Variants in CCSER1 observed in about 807,000 individuals in gnomAD.
CCSER1 encodes serine-rich coiled-coil domain-containing protein 1.
Under a neutral mutation model 82.0 loss-of-function variants are expected in CCSER1, and 41 were observed. That is an observed-to-expected ratio of 0.50 (90% CI 0.39 to 0.65). The LOEUF (loss-of-function observed/expected upper bound fraction) is 0.65. Ranked by LOEUF, CCSER1 falls within the 30% of genes least tolerant of loss-of-function variation. CCSER1 has a pLI of 0.00. For synonymous variants in CCSER1, 414 were observed against 383.9 expected (o/e 1.08, Z -0.92); for missense variants, 1,119 against 1,064.2 (o/e 1.05, Z -0.72).
At chr4:91,033,059 C>A (rs1466443522) in intron 9 of CCSER1, among the ~76,000 whole-genome samples, 20 of 148,982 alleles carry the variant, frequency 1.3e-4, no homozygotes, top group Non-Finnish European at 7.5e-5. Flanking sequence ...TACAAATAAA[C>A]AAAAAAAAAA....
rs150710432 is a variant in CCSER1 at position 91,247,590 on chromosome 4, C to T, written c.2217+161596C>T. The stretch of plus-strand genomic sequence containing the variant: ...ATTCTCCAATGAAAGGAACCAGGGC[C>T]GGGCATGGTGGCTCATGCCTGTAAT... On this transcript the variant is annotated intron_variant, in intron 10 of 10. Coordinates refer to ENST00000509176, the MANE Select transcript of CCSER1 (RefSeq NM_001145065.2). Among the ~76,000 whole-genome samples, 1,420 of 152,224 alleles carry T rather than the reference C, an allele frequency of 9.3e-3. 24 individuals carry two copies. Among genetic ancestry groups the T allele is most frequent in the African/African-American group, 0.031 (1,304 of 41,530 alleles).
intron 1 of CCSER1, among the ~76,000 whole-genome samples, chr4:90,210,254 A>G (rs1038149257): frequency 6.6e-6 from 1 of 152,172 alleles, no homozygotes; most frequent in Non-Finnish European, 1.5e-5. Flanking sequence ...ACACTGTTTA[A>G]AAGAATCAAT....
chr4:90,187,410 G>T (rs901304632), intron 1 of CCSER1, among the ~76,000 whole-genome samples: 1 of 147,560 alleles, frequency 6.8e-6, no homozygotes, highest in Non-Finnish European at 1.5e-5. Context: ...GTGGTAGATG[G>T]TAATTACCTC....
At chr4:90,723,387 A>C (rs536092114) in intron 6 of CCSER1, among the ~76,000 whole-genome samples, 5 of 151,936 alleles carry the variant, frequency 3.3e-5, no homozygotes, top group Non-Finnish European at 7.4e-5. Context: ...GAAAGGTAAA[A>C]TGTCAGGGGC....
chr4:90,152,933 G>T (rs1727163426), intron 1 of CCSER1, among the ~76,000 whole-genome samples: 1 of 148,986 alleles, frequency 6.7e-6, no homozygotes, highest in Admixed American at 6.7e-5. Context: ...TGTGCACAAT[G>T]TGCAGGTTAG....
chr4:91,217,396 A>T (rs1316858798), intron 10 of CCSER1, among the ~76,000 whole-genome samples: 1 of 152,180 alleles, frequency 6.6e-6, no homozygotes, highest in Non-Finnish European at 1.5e-5. Context: ...TCCCCATCAG[A>T]TTAGTTAGAT....
intron 10 of CCSER1, among the ~76,000 whole-genome samples, chr4:91,326,165 C>A (rs1326054012): frequency 6.6e-6 from 1 of 152,064 alleles, no homozygotes; most frequent in Non-Finnish European, 1.5e-5. Context: ...ATGAGCTCTT[C>A]TTTTTATAAC....
At chr4:90,130,523 A>G (rs1722638916) in intron 1 of CCSER1, among the ~76,000 whole-genome samples, 1 of 152,198 alleles carries the variant, frequency 6.6e-6, no homozygotes, top group Non-Finnish European at 1.5e-5. Flanking sequence ...CATATAAGGG[A>G]AGATAAGTTT....
intron 10 of CCSER1, among the ~76,000 whole-genome samples, chr4:91,292,216 C>T (rs1336122971): frequency 1.3e-5 from 2 of 151,934 alleles, no homozygotes; most frequent in Admixed American, 6.6e-5. Flanking sequence ...AGCTAGAGAA[C>T]TGGGTATTTG....
chr4:91,357,194 T>C (rs1748894285), intron 10 of CCSER1, among the ~76,000 whole-genome samples: 1 of 152,220 alleles, frequency 6.6e-6, no homozygotes, highest in Non-Finnish European at 1.5e-5. Flanking sequence ...TAAACACCAT[T>C]TTATATTTAA....
Position 90,505,795 on chromosome 4 carries a change from C to CT in CCSER1, c.1724+37448dup, listed in dbSNP as rs1770599102. 2.0e-5 allele frequency among the ~76,000 whole-genome samples: 3 copies of CT among 152,130 alleles called. No homozygotes were observed. The South Asian group carries it at 6.2e-4, about 32-fold the overall frequency. ...GAGCAGTGAGGACAACCAGAGGTTG[C>CT]TTTTTTTGCCATCTTGGTTTTGGCA... On this transcript the variant is annotated intron_variant, in intron 5 of 10. Transcript: ENST00000509176.
chr4:91,424,781 G>A (rs1459850546), intron 10 of CCSER1, among the ~76,000 whole-genome samples: 1 of 152,056 alleles, frequency 6.6e-6, no homozygotes. Context: ...TTTTACAGAA[G>A]TAAATGTAAT....
chr4:91,556,455 GCAGCACACCC>G (rs1762408170), intron 10 of CCSER1, among the ~76,000 whole-genome samples: 1 of 150,890 alleles, frequency 6.6e-6, no homozygotes, highest in Non-Finnish European at 1.5e-5. Context: ...GTTAATGGGT[GCAGCACACCC>G]ACATGGCACA....
intron 3 of CCSER1, among the ~76,000 whole-genome samples, chr4:90,325,159 G>A (rs551311323): frequency 6.6e-6 from 1 of 152,222 alleles, no homozygotes; most frequent in Admixed American, 6.5e-5. Context: ...TGTTCAGTTT[G>A]GTGTTCCGAT....
At chr4:90,418,610 CA>C (rs1273392512) in intron 4 of CCSER1, among the ~76,000 whole-genome samples, 2 of 151,944 alleles carry the variant, frequency 1.3e-5, no homozygotes, top group African/African-American at 2.4e-5. Context: ...TAGACTCAAA[CA>C]TGGTATTTCT....
chr4:90,533,370 C>T (rs771541182), intron 5 of CCSER1, among the ~76,000 whole-genome samples: 3 of 152,182 alleles, frequency 2.0e-5, no homozygotes, highest in Non-Finnish European at 2.9e-5. Flanking sequence ...GCTGGGATTA[C>T]AGGCGTGAGC....
intron 6 of CCSER1, among the ~76,000 whole-genome samples, chr4:90,685,371 C>A (rs1734638995): frequency 6.6e-6 from 1 of 152,064 alleles, no homozygotes; most frequent in Non-Finnish European, 1.5e-5. Flanking sequence ...GTAGATTTTT[C>A]AGAATTATCC....
chr4:91,076,254 A>G (rs1721981656), intron 9 of CCSER1, among the ~76,000 whole-genome samples: 1 of 151,942 alleles, frequency 6.6e-6, no homozygotes, highest in South Asian at 2.1e-4. Flanking sequence ...AATTATACCA[A>G]GCTTTTTACA....
chr4:91,369,461 T>A (rs1474111279), intron 10 of CCSER1, among the ~76,000 whole-genome samples: 1 of 152,208 alleles, frequency 6.6e-6, no homozygotes, highest in Non-Finnish European at 1.5e-5. Flanking sequence ...CTTGTTATCT[T>A]TGTCTCCAGA....
Sources: gnomAD v4.1 joint callset for allele counts (sites outside exome capture counted in the v4.1 genomes callset) on GRCh38, gnomAD v4.1.1 for gene constraint, MANE v1.5 for transcripts, NCBI Gene and HGNC (gene_info 2026-07-23, HGNC 2026-07-21) for gene names.